Variants in ZBTB20 observed in about 807,000 individuals in gnomAD.
ZBTB20 encodes zinc finger and BTB domain-containing protein 20.
Under a neutral mutation model 56.9 loss-of-function variants are expected in ZBTB20, and 9 were observed. The observed-to-expected ratio is 0.16, with a 90% confidence interval of 0.10 to 0.28. The LOEUF is 0.28. Ranked by LOEUF, ZBTB20 falls within the 10% of genes least tolerant of loss-of-function variation. ZBTB20 has a pLI of 1.00. For missense variants in ZBTB20, 655 were observed against 1,003.0 expected (o/e 0.65, Z 4.69); for synonymous variants, 417 against 420.7 (o/e 0.99, Z 0.11).
At chr3:114,919,630 G>T (rs112890083) in intron 3 of ZBTB20, among the ~76,000 whole-genome samples, 1 of 151,844 alleles carries the variant, frequency 6.6e-6, no homozygotes, top group Non-Finnish European at 1.5e-5. Context: ...ACTTGAACCC[G>T]GGAGGCAGAG....
chr3:115,049,804 A>G (rs2081475000), intron 2 of ZBTB20, among the ~76,000 whole-genome samples: 1 of 152,168 alleles, frequency 6.6e-6, no homozygotes, highest in Non-Finnish European at 1.5e-5. Context: ...AAGATTTATT[A>G]GCAAGGAATT....
intron 5 of ZBTB20, among the ~76,000 whole-genome samples, chr3:114,770,916 T>A (rs1463675470): frequency 6.6e-6 from 1 of 152,226 alleles, no homozygotes; most frequent in Non-Finnish European, 1.5e-5. Context: ...TTGCTCATCA[T>A]GTCCATGTTC....
chr3:114,787,366 T>TATATATATACACAC lies in ZBTB20; in HGVS notation c.-343+13734_-343+13735insGTGTGTATATATAT, dbSNP rs1278656494. Among the ~76,000 whole-genome samples the TATATATATACACAC allele has an allele frequency of 4.6e-3, 378 of 82,876 alleles. 12 individuals are homozygous for TATATATATACACAC. The highest frequency in any genetic ancestry group is 0.018 in the African/African-American group (349 of 18,990). 54.4% of individuals were successfully genotyped at this position (82,876 alleles called of 152,430 possible). ...ATATATATATATATATATATATATA[T>TATATATATACACAC]ATACACACACACACACACACACACA... On this transcript the variant is annotated intron_variant, in intron 5 of 11. Transcript: ENST00000675478.
At chr3:114,770,023 C>T (rs1430938238) in intron 5 of ZBTB20, among the ~76,000 whole-genome samples, 2 of 151,646 alleles carry the variant, frequency 1.3e-5, no homozygotes, top group African/African-American at 4.9e-5. Flanking sequence ...CATGACACTG[C>T]ACTCCAGCCT....
chr3:114,734,175 A>T (rs1342287810), intron 5 of ZBTB20, among the ~76,000 whole-genome samples: 1 of 151,624 alleles, frequency 6.6e-6, no homozygotes, highest in Non-Finnish European at 1.5e-5. Flanking sequence ...AGATATAAAT[A>T]AATAAAAAAA....
At chr3:114,915,193 C>T (rs1019171485) in intron 3 of ZBTB20, among the ~76,000 whole-genome samples, 3 of 151,846 alleles carry the variant, frequency 2.0e-5, no homozygotes, top group South Asian at 2.1e-4. Context: ...GTAAAGCGAT[C>T]AGGTCCCAGG....
chr3:114,808,708 C>T (rs1158882959), intron 4 of ZBTB20, among the ~76,000 whole-genome samples: 1 of 151,702 alleles, frequency 6.6e-6, no homozygotes, highest in African/African-American at 2.4e-5. Flanking sequence ...TATATCCTTC[C>T]TTCTGTTCAA....
chr3:114,916,436 C>T (rs1184445595), intron 3 of ZBTB20, among the ~76,000 whole-genome samples: 1 of 151,934 alleles, frequency 6.6e-6, no homozygotes, highest in Non-Finnish European at 1.5e-5. Context: ...TACGTACATA[C>T]CAGTAGTATT....
chr3:115,034,619 T>C (rs2070342163), intron 2 of ZBTB20, among the ~76,000 whole-genome samples: 1 of 151,902 alleles, frequency 6.6e-6, no homozygotes. Flanking sequence ...GTTCACGAAT[T>C]GGAAGGCTTA....
chr3:115,133,794 G>A (rs1249049299), intron 1 of ZBTB20, among the ~76,000 whole-genome samples: 1 of 152,144 alleles, frequency 6.6e-6, no homozygotes, highest in Non-Finnish European at 1.5e-5. Flanking sequence ...ATGGATATGA[G>A]TTGCTTCCAC....
At chr3:114,753,438 C>CGTATATATATATATAT (rs1560210058) in intron 5 of ZBTB20, among the ~76,000 whole-genome samples, 1 of 10,564 alleles carries the variant, frequency 9.5e-5, no homozygotes, top group African/African-American at 1.3e-4. Context: ...TATATACACA[C>CGTATATATATATATAT]ACACTTTTTT....
intron 2 of ZBTB20, among the ~76,000 whole-genome samples, chr3:114,975,115 A>G (rs967245389): frequency 6.6e-6 from 1 of 152,138 alleles, no homozygotes; most frequent in African/African-American, 2.4e-5. Flanking sequence ...AAATTTCTTT[A>G]GTAAAGAATT....
intron 1 of ZBTB20, among the ~76,000 whole-genome samples, chr3:115,118,288 TG>T (rs1474565537): frequency 6.6e-6 from 1 of 152,092 alleles, no homozygotes; most frequent in Non-Finnish European, 1.5e-5. Context: ...CTCAAACTCC[TG>T]TGCTCAAGCA....
At chr3:114,565,913 G>A (rs1238521973) in intron 6 of ZBTB20, among the ~76,000 whole-genome samples, 1 of 152,084 alleles carries the variant, frequency 6.6e-6, no homozygotes, top group African/African-American at 2.4e-5. Context: ...TGCTCTTACA[G>A]GGAGCAAATG....
chr3:114,864,438 C>G (rs1175717168), intron 4 of ZBTB20, among the ~76,000 whole-genome samples: 1 of 151,796 alleles, frequency 6.6e-6, no homozygotes, highest in Non-Finnish European at 1.5e-5. Flanking sequence ...CCCTCCTGGT[C>G]TCCTATTTCT....
intron 5 of ZBTB20, among the ~76,000 whole-genome samples, chr3:114,761,491 T>G (rs967665086): frequency 6.6e-6 from 1 of 152,180 alleles, no homozygotes; most frequent in Non-Finnish European, 1.5e-5. Flanking sequence ...AAAATCAGAT[T>G]TATTACTTTA....
At chr3:114,422,133 T>C (rs985403262) in intron 7 of ZBTB20, among the ~76,000 whole-genome samples, 6 of 152,314 alleles carry the variant, frequency 3.9e-5, no homozygotes, top group Admixed American at 2.6e-4. Context: ...TACGGCATGA[T>C]AGAGGGTAAA....
chr3:114,821,638 T>A (rs2073253450), intron 4 of ZBTB20, among the ~76,000 whole-genome samples: 1 of 152,064 alleles, frequency 6.6e-6, no homozygotes, highest in Admixed American at 6.6e-5. Flanking sequence ...CCTACCGTAC[T>A]TTATGTGGAC....
chr3:114,392,915 T>C (rs1156230004), intron 7 of ZBTB20, among the ~76,000 whole-genome samples: 3 of 152,216 alleles, frequency 2.0e-5, no homozygotes, highest in African/African-American at 7.2e-5. Flanking sequence ...GAAAACAGAC[T>C]TTTCCAGGGA....
Sources: allele counts gnomAD v4.1 joint callset (sites outside exome capture counted in the v4.1 genomes callset), GRCh38; gene constraint gnomAD v4.1.1; transcripts MANE v1.5; gene names NCBI Gene and HGNC (gene_info 2026-07-23, HGNC 2026-07-21).